TMEM164: variants seen among roughly 807,000 people sequenced by gnomAD.
TMEM164 encodes the protein RP13-360B22.2.
In TMEM164, 4 loss-of-function variants were observed where a neutral mutation model predicts 18.8. The ratio of observed to expected loss-of-function variants is 0.21; its 90% confidence interval spans 0.10 to 0.49. The LOEUF is 0.49. Ranked by LOEUF, TMEM164 falls within the 20% of genes least tolerant of loss-of-function variation. The pLI, the probability that TMEM164 is intolerant of heterozygous loss-of-function variation, is 0.98. For synonymous variants in TMEM164, 86 were observed against 101.7 expected (o/e 0.85, Z 0.93); for missense variants, 108 against 239.9 (o/e 0.45, Z 3.63).
intron 2 of TMEM164, among the ~76,000 whole-genome samples, chrX:110,020,818 A>G (rs1933773986): frequency 8.9e-6 from 1 of 111,953 alleles, no homozygotes; most frequent in Non-Finnish European, 1.9e-5. Context: ...GAAACAACCC[A>G]TTAATAGCAG....
In TMEM164 at chrX:110,078,163, C is replaced by T. The variant is rs186851106; in HGVS notation, c.440+10767C>T. ...AAACTTTTGCTCATTTTTAAAAATT[C>T]TTTTTTCTTTATTCTTGTCTGACTG... On this transcript the variant is annotated intron_variant, in intron 3 of 6. Transcript: ENST00000372068. Among the ~76,000 whole-genome samples, 462 of 111,761 alleles carry T rather than the reference C, an allele frequency of 4.1e-3. 1 individual carries two copies. Among genetic ancestry groups the T allele is most frequent in the African/African-American group, 0.014 (426 of 30,785 alleles).
chrX:110,037,999 T>C (rs1934899555), intron 2 of TMEM164, among the ~76,000 whole-genome samples: 1 of 97,930 alleles, frequency 1.0e-5, no homozygotes, highest in South Asian at 5.1e-4. Context: ...TTTTTTTTTT[T>C]TTTTTTTTTG....
At chrX:110,080,888 ATTTTTTTTTT>A (rs367869176) in intron 3 of TMEM164, among the ~76,000 whole-genome samples, 5 of 74,551 alleles carry the variant, frequency 6.7e-5, no homozygotes, top group African/African-American at 2.3e-4. Flanking sequence ...CTAGCTAATA[ATTTTTTTTTT>A]TTTTTTTTTT....
intron 3 of TMEM164, among the ~76,000 whole-genome samples, chrX:110,075,944 A>G (rs761113357): frequency 8.3e-5 from 9 of 108,259 alleles, no homozygotes; most frequent in African/African-American, 3.0e-4. Flanking sequence ...TCTTTGACAG[A>G]TTTTGTTATC....
At chrX:110,052,744 T>C (rs1024013555) in intron 2 of TMEM164, among the ~76,000 whole-genome samples, 3 of 85,749 alleles carry the variant, frequency 3.5e-5, no homozygotes, top group African/African-American at 1.1e-4. Context: ...TACATGCATC[T>C]GTTTTTTTTT....
At chrX:110,164,309 A>G (rs1346704882) in intron 5 of TMEM164, among the ~76,000 whole-genome samples, 1 of 111,483 alleles carries the variant, frequency 9.0e-6, no homozygotes, top group Non-Finnish European at 1.9e-5. Context: ...AATTAGAATC[A>G]TGGGCCATGG....
rs183677396 is a variant in TMEM164, at chrX:110,004,185, C to T, written c.390+21C>T. 2 of 1,177,642 alleles carry T rather than the reference C, an allele frequency of 1.7e-6. 1 individual carries two copies. The highest frequency in any genetic ancestry group is 3.8e-5 in the South Asian group (2 of 52,589). ...TGCATGTGAGTCTGTTGACTTTTTC[C>T]TGGGCATCCTAAGTGATAAGAGTCA... On this transcript the variant is annotated intron_variant, in intron 2 of 6. Transcript: ENST00000372068.
chrX:110,092,921 G>A (rs2065953812), intron 3 of TMEM164, among the ~76,000 whole-genome samples: 1 of 111,798 alleles, frequency 8.9e-6, no homozygotes, highest in Non-Finnish European at 1.9e-5. Flanking sequence ...TAGCATGAAG[G>A]GCTGTTGAAT....
chrX:110,052,497 A>G (rs1935603685), intron 2 of TMEM164, among the ~76,000 whole-genome samples: 1 of 111,503 alleles, frequency 9.0e-6, no homozygotes, highest in Non-Finnish European at 1.9e-5. Flanking sequence ...TTAGGTAACC[A>G]AGTCTATCCA....
intron 2 of TMEM164, among the ~76,000 whole-genome samples, chrX:110,059,074 A>G (rs1036923809): frequency 9.0e-6 from 1 of 111,410 alleles, no homozygotes; most frequent in Non-Finnish European, 1.9e-5. Context: ...CTAGGTCATG[A>G]CATGTATCCC....
chrX:110,014,744 CTTTTTTTTTTT>C (rs142705177), intron 2 of TMEM164, among the ~76,000 whole-genome samples: 5 of 54,239 alleles, frequency 9.2e-5, no homozygotes, highest in African/African-American at 3.8e-4. Flanking sequence ...TTGGTTGTTT[CTTTTTTTTTTT>C]TTTTTTTTTT....
chrX:110,150,960 C>G (rs771410005), intron 5 of TMEM164, among the ~76,000 whole-genome samples: 20 of 112,145 alleles, frequency 1.8e-4, no homozygotes, highest in Non-Finnish European at 7.5e-5. Context: ...CCTATAACAA[C>G]TCTGTTAGGA....
At chrX:110,027,731 G>T (rs1483786524) in intron 2 of TMEM164, among the ~76,000 whole-genome samples, 1 of 110,436 alleles carries the variant, frequency 9.1e-6, no homozygotes, top group East Asian at 2.8e-4. Flanking sequence ...CTGCACTCCA[G>T]CCTGGGCGAC....
intron 5 of TMEM164, among the ~76,000 whole-genome samples, chrX:110,171,048 C>T (rs973166582): frequency 8.9e-6 from 1 of 111,856 alleles, no homozygotes; most frequent in South Asian, 3.7e-4. Flanking sequence ...GAAGGGTATA[C>T]AATTATGTGT....
rs1298157425 is a variant in TMEM164 at position 110,101,580 on chromosome X, A to ATTTTT, written c.441-7487_441-7483dup. Reference sequence around the variant, plus strand: ...CAAAGACAAACTTTTGGTTTTATTGATTTTTTTTTTTTTTTTTGAGACAGT... The same window carrying ATTTTT: ...CAAAGACAAACTTTTGGTTTTATTGATTTTTTTTTTTTTTTTTTTTTTGAGACAGT... On this transcript the variant is annotated intron_variant, in intron 3 of 6. Coordinates refer to ENST00000372068, the MANE Select transcript of TMEM164 (RefSeq NM_032227.4). 3.2e-3 allele frequency among the ~76,000 whole-genome samples: 295 copies of ATTTTT among 90,798 alleles called. 2 individuals are homozygous for ATTTTT. The highest frequency in any genetic ancestry group is 0.012 in the African/African-American group (283 of 23,883). The allele number at this position is 90,798 out of a possible 115,157, so 78.8% of individuals were successfully genotyped here.
intron 3 of TMEM164, among the ~76,000 whole-genome samples, chrX:110,091,329 G>A (rs1345652567): frequency 8.9e-6 from 1 of 112,159 alleles, no homozygotes; most frequent in African/African-American, 3.2e-5. Flanking sequence ...CAACAACAGT[G>A]TAAAAGTGTT....
chrX:110,082,300 C>T (rs941808169), intron 3 of TMEM164: 1 of 113,755 alleles, frequency 8.8e-6, no homozygotes, highest in African/African-American at 3.2e-5. Context: ...GTTCTTGGCT[C>T]CTCTTCTCTG....
chrX:110,060,511 C>G (rs1170251541), intron 2 of TMEM164, among the ~76,000 whole-genome samples: 3 of 111,270 alleles, frequency 2.7e-5, no homozygotes, highest in Middle Eastern at 4.2e-3. Context: ...ACCCAGCTTC[C>G]CCTAATGTTA....
At chrX:110,126,513 T>G (rs1483404064) in intron 4 of TMEM164, among the ~76,000 whole-genome samples, 1 of 111,917 alleles carries the variant, frequency 8.9e-6, no homozygotes, top group Non-Finnish European at 1.9e-5. Flanking sequence ...GCTCTCCACG[T>G]CTATTTTCTC....
Sources: allele counts gnomAD v4.1 joint callset (sites outside exome capture counted in the v4.1 genomes callset), GRCh38; gene constraint gnomAD v4.1.1; transcripts MANE v1.5; gene names NCBI Gene and HGNC (gene_info 2026-07-23, HGNC 2026-07-21).